The following TPH2 variants were observed in gnomAD, a reference collection of about 807,000 sequenced individuals.
TPH2 encodes tryptophan 5-hydroxylase 2.
A neutral mutation model predicts 59.1 loss-of-function variants in TPH2; 27 were observed. That is an observed-to-expected ratio of 0.46 (90% CI 0.34 to 0.63). The LOEUF (loss-of-function observed/expected upper bound fraction) is 0.63, where lower values mean the gene tolerates loss of function less well. Among genes scored for constraint, TPH2 ranks in the 30% least tolerant of loss-of-function variants. TPH2 has a pLI of 0.01. For missense variants in TPH2, 523 were observed against 588.3 expected, an observed-to-expected ratio of 0.89 and a Z score of 1.15; for synonymous variants, 220 against 210.5, an observed-to-expected ratio of 1.05 and a Z score of -0.39.
intron 6 of TPH2, among the ~76,000 whole-genome samples, chr12:71,973,953 G>A (rs1025958615): frequency 3.3e-5 from 5 of 151,854 alleles, no homozygotes; most frequent in Admixed American, 6.6e-5. Context: ...CAATAGCTGG[G>A]AAATAGGCTT....
chr12:72,010,287 G>C (rs1054347548), intron 8 of TPH2, among the ~76,000 whole-genome samples: 1 of 152,126 alleles, frequency 6.6e-6, no homozygotes, highest in Non-Finnish European at 1.5e-5. Context: ...TCAGTAACTG[G>C]CAGTGATTAT....
intron 8 of TPH2, among the ~76,000 whole-genome samples, chr12:72,017,093 G>T (rs978727918): frequency 6.6e-6 from 1 of 152,122 alleles, no homozygotes; most frequent in Non-Finnish European, 1.5e-5. Flanking sequence ...CATAAGAAGG[G>T]TTTTGCATAG....
At chr12:71,949,960 A>G (rs767526128) in intron 5 of TPH2, among the ~76,000 whole-genome samples, 1 of 151,938 alleles carries the variant, frequency 6.6e-6, no homozygotes, top group African/African-American at 2.4e-5. Context: ...TTTTAATTTT[A>G]ATTTTACTTT....
chr12:72,005,389 AC>A (rs1872927279), intron 8 of TPH2, among the ~76,000 whole-genome samples: 1 of 109,516 alleles, frequency 9.1e-6, no homozygotes, highest in Non-Finnish European at 2.2e-5. Flanking sequence ...TAAAAAGATA[AC>A]ATATATTTAT....
chr12:71,949,508 A>G, intron 4 of TPH2, 80 bp from the exon 5 acceptor site: 1 of 1,173,962 alleles, frequency 8.5e-7, no homozygotes. Context: ...ACACTCAGAC[A>G]CCACAGTGAT....
chr12:71,961,794 G>A (rs1006861964), intron 5 of TPH2: 2 of 1,238,864 alleles, frequency 1.6e-6, no homozygotes, highest in African/African-American at 1.6e-5. Flanking sequence ...ATCCTGTGGT[G>A]CACAGGACAA....
intron 8 of TPH2, among the ~76,000 whole-genome samples, chr12:71,995,956 G>GCTAT (rs1424065940): frequency 6.6e-6 from 1 of 152,140 alleles, no homozygotes; most frequent in Non-Finnish European, 1.5e-5. Flanking sequence ...ATTTGTATTG[G>GCTAT]CTATCCATCA....
At chr12:71,969,244 C>T (rs1021997310) in intron 5 of TPH2, among the ~76,000 whole-genome samples, 4 of 152,164 alleles carry the variant, frequency 2.6e-5, no homozygotes, top group African/African-American at 4.8e-5. Context: ...GATTACACCA[C>T]TGCACTCCAG....
rs563579204 is a variant in TPH2 at position 72,004,429 on chromosome 12, G to A, written c.1068+9864G>A. ...CATCATTACCTAAAAAATTCTAACT[G>A]CACCAAAGGAGGTGTGTTATTGGAT... On this transcript the variant is annotated intron_variant, in intron 8 of 10. Transcript: ENST00000333850. Among the ~76,000 whole-genome samples the A allele has an allele frequency of 3.5e-4, 50 of 141,694 alleles. 1 individual carries two copies. The highest frequency in any genetic ancestry group is 1.9e-3 in the South Asian group (7 of 3,602). The allele number at this position is 141,694 out of a possible 152,430, so 93.0% of individuals were successfully genotyped here.
At chr12:72,021,355 A>AAG (rs1397994199) in intron 8 of TPH2, among the ~76,000 whole-genome samples, 3 of 123,604 alleles carry the variant, frequency 2.4e-5, no homozygotes, top group African/African-American at 6.3e-5. Flanking sequence ...TGGGCCAATA[A>AAG]AGTGTGTGTG....
At chr12:71,983,971 G>A (rs1872360900) in intron 7 of TPH2, among the ~76,000 whole-genome samples, 2 of 152,128 alleles carry the variant, frequency 1.3e-5, no homozygotes, top group Admixed American at 1.3e-4. Context: ...GGGCCATATG[G>A]GTGTGGTGTT....
At chr12:72,005,261 C>T (rs892720397) in intron 8 of TPH2, among the ~76,000 whole-genome samples, 11 of 151,956 alleles carry the variant, frequency 7.2e-5, no homozygotes, top group Non-Finnish European at 1.2e-4. Flanking sequence ...TCCTTTAGAA[C>T]GTCCATAAAA....
chr12:71,952,539 C>T (rs1366755427), intron 5 of TPH2, among the ~76,000 whole-genome samples: 1 of 152,118 alleles, frequency 6.6e-6, no homozygotes, highest in Non-Finnish European at 1.5e-5. Flanking sequence ...TAACCTTAGG[C>T]TACTTGGTGG....
At chr12:71,954,928 T>C (rs533004936) in intron 5 of TPH2, among the ~76,000 whole-genome samples, 1 of 152,310 alleles carries the variant, frequency 6.6e-6, no homozygotes, top group Admixed American at 6.5e-5. Flanking sequence ...GCCACTCTTG[T>C]TTGCTTAAAT....
At chr12:71,940,027 G>A (rs1374090828) in intron 1 of TPH2, among the ~76,000 whole-genome samples, 2 of 152,136 alleles carry the variant, frequency 1.3e-5, no homozygotes, top group South Asian at 2.1e-4. Context: ...GGCAACTTCT[G>A]TAGAATTATT....
At chr12:71,997,106 G>T (rs940113387) in intron 8 of TPH2, among the ~76,000 whole-genome samples, 4 of 152,148 alleles carry the variant, frequency 2.6e-5, no homozygotes, top group African/African-American at 9.7e-5. Flanking sequence ...GAGCCGTTTT[G>T]TTGCTTTTTC....
At chr12:72,006,358 A>C (rs926843589) in intron 8 of TPH2, among the ~76,000 whole-genome samples, 1 of 152,124 alleles carries the variant, frequency 6.6e-6, no homozygotes, top group African/African-American at 2.4e-5. Flanking sequence ...ACAACAAAGA[A>C]AAGTAAGAAT....
intron 9 of TPH2, 44 bp from the exon 10 acceptor site, chr12:72,031,214 A>G: frequency 6.2e-7 from 1 of 1,612,622 alleles, no homozygotes; most frequent in South Asian, 1.1e-5. Context: ...GAGCTTCGGA[A>G]GTCTCATTAC....
chr12:71,969,652 A>AT (rs1871918177), intron 5 of TPH2, among the ~76,000 whole-genome samples: 1 of 152,164 alleles, frequency 6.6e-6, no homozygotes, highest in Non-Finnish European at 1.5e-5. Flanking sequence ...TGTATATGAG[A>AT]TTTTCTACAT....
Sources: gnomAD v4.1 joint callset for allele counts (sites outside exome capture counted in the v4.1 genomes callset) on GRCh38, gnomAD v4.1.1 for gene constraint, MANE v1.5 for transcripts, NCBI Gene and HGNC (gene_info 2026-07-23, HGNC 2026-07-21) for gene names.